CCDC18: variants seen among roughly 807,000 people sequenced by gnomAD.
CCDC18 encodes the protein coiled-coil domain containing 18, also known as coiled-coil domain-containing protein 18.
Under a neutral mutation model 196.0 loss-of-function variants are expected in CCDC18, and 157 were observed. The ratio of observed to expected loss-of-function variants is 0.80; its 90% CI spans 0.70 to 0.91. The LOEUF (loss-of-function observed/expected upper bound fraction) is 0.91. Ranked by LOEUF, CCDC18 falls within the 40% of genes least tolerant of loss-of-function variation. CCDC18 has a pLI of 0.00. For synonymous variants in CCDC18, 482 were observed against 529.2 expected (o/e 0.91, Z 1.22); for missense variants, 1,465 against 1,611.6 (o/e 0.91, Z 1.56).
At chr1:93,218,347 A>G (rs1472902974) in intron 14 of CCDC18, among the ~76,000 whole-genome samples, 1 of 152,198 alleles carries the variant, frequency 6.6e-6, no homozygotes, top group Non-Finnish European at 1.5e-5. Context: ...TTTTTCCTAT[A>G]CATACATACC....
In CCDC18 at chr1:93,239,881, T is replaced by A. The variant is rs1391570764; in HGVS notation, c.2966T>A (p.Leu989His). 1 of 1,602,896 alleles carries A rather than the reference T, an allele frequency of 6.2e-7. No individual in the cohort carries two copies. The highest frequency in any genetic ancestry group is 8.5e-7 in the Non-Finnish European group (1 of 1,171,542). ...GAAAAATACACTACTATAAAGGATC[T>A]CACAGCTGAACTTAGGTGAGTTAAA... ...LEEKYTTIKD[L>H]TAELRECKME... is the part of the protein sequence containing the mutation. Residue 989 changes from leucine (L) to histidine (H), a missense_variant, in exon 21 of 29, where the codon CTC (leucine) becomes CAC (histidine). Physicochemically the swap from Leu to His is moderately conservative, Grantham distance 99 (BLOSUM62 -3). Transcript: ENST00000690025.
At chr1:93,215,091 A>C (rs1483242162) in intron 12 of CCDC18, 125 bp downstream of exon 12, 1 of 547,486 alleles carries the variant, frequency 1.8e-6, no homozygotes, top group Non-Finnish European at 3.2e-6. Context: ...ATGGTACCAC[A>C]TAAGTTATAA....
chr1:93,215,243 T>C (rs1037341453), intron 12 of CCDC18, among the ~76,000 whole-genome samples: 1 of 152,132 alleles, frequency 6.6e-6, no homozygotes, highest in African/African-American at 2.4e-5. Flanking sequence ...ATTTCTTCCA[T>C]AGTATAAGTT....
chr1:93,242,779 G>A (rs1281676626), intron 21 of CCDC18, among the ~76,000 whole-genome samples: 1 of 152,162 alleles, frequency 6.6e-6, no homozygotes, highest in Non-Finnish European at 1.5e-5. Flanking sequence ...AAACAAAGGG[G>A]CTACAGGCCC....
chr1:93,236,281 A>C lies in CCDC18; in HGVS notation c.2494A>C (p.Arg832=), dbSNP rs748926070. 1.9e-6 allele frequency: 3 copies of C among 1,575,970 alleles called. No homozygotes were observed. The highest frequency in any genetic ancestry group is 4.1e-5 in the Admixed American group (2 of 48,288). Reference sequence around the variant, plus strand: ...ACTGGAACAAGAACTTCAAAAACAAAGGGAAAGTTCAGCTGAAAAGTTGAG... The same window carrying C: ...ACTGGAACAAGAACTTCAAAAACAACGGGAAAGTTCAGCTGAAAAGTTGAG... ...SKLEQELQKQ[R]ESSAEKLRKM... The change falls in exon 19 of 29, where the codon AGG becomes CGG. Residue 832 remains arginine (R), a synonymous_variant. Coordinates refer to ENST00000690025, the MANE Select transcript of CCDC18 (RefSeq NM_001378204.1).
intron 16 of CCDC18, among the ~76,000 whole-genome samples, chr1:93,223,996 T>G (rs1657892808): frequency 6.6e-6 from 1 of 151,954 alleles, no homozygotes; most frequent in Non-Finnish European, 1.5e-5. Context: ...GATTCAGACT[T>G]TCAAACTCTG....
Position 93,180,792 on chromosome 1 carries a change from G to A in CCDC18, c.-63G>A. ...GTGTCCGAGGCTTCCACGCGCAGGG[G>A]CCCGGGAAAGGGTCAGAGGCTTCCT... is the stretch of plus-strand genomic sequence containing the variant. On this transcript the variant is annotated 5_prime_UTR_variant, in exon 1 of 29. Coordinates refer to ENST00000690025, the MANE Select transcript of CCDC18 (RefSeq NM_001378204.1). The A allele has an allele frequency of 7.3e-7, 1 of 1,367,778 alleles. No homozygotes were observed. Among genetic ancestry groups the A allele is most frequent in the Non-Finnish European group, 9.8e-7 (1 of 1,021,960 alleles). 84.7% of individuals were successfully genotyped at this position (1,367,778 alleles called of 1,614,324 possible).
chr1:93,224,909 G>C (rs776825161), intron 16 of CCDC18, among the ~76,000 whole-genome samples: 1 of 152,142 alleles, frequency 6.6e-6, no homozygotes, highest in African/African-American at 2.4e-5. Flanking sequence ...AAATTTCTAA[G>C]TATTTATAAT....
upstream of CCDC18, chr1:93,179,947 C>T: frequency 1.6e-6 from 2 of 1,259,564 alleles, no homozygotes; most frequent in Admixed American, 5.2e-5. Flanking sequence ...ACGGCCCTCG[C>T]CTCTTCACCA....
At chr1:93,253,049 C>G (rs565020388) in intron 23 of CCDC18, among the ~76,000 whole-genome samples, 1 of 152,336 alleles carries the variant, frequency 6.6e-6, no homozygotes, top group South Asian at 2.1e-4. Flanking sequence ...AGATGAGTCT[C>G]TAGTTGCAAT....
chr1:93,191,325 A>G (rs1651756774), intron 4 of CCDC18, among the ~76,000 whole-genome samples: 2 of 152,194 alleles, frequency 1.3e-5, no homozygotes, highest in Non-Finnish European at 2.9e-5. Context: ...CTAGTATGCC[A>G]ACACCTTGCT....
chr1:93,276,714 A>C (rs1200877215), intron 28 of CCDC18, among the ~76,000 whole-genome samples: 1 of 152,168 alleles, frequency 6.6e-6, no homozygotes, highest in Non-Finnish European at 1.5e-5. Context: ...ATATTTTTTT[A>C]AATCCCCTGG....
At chr1:93,206,327 G>T (rs1054088917) in intron 8 of CCDC18, among the ~76,000 whole-genome samples, 1 of 152,078 alleles carries the variant, frequency 6.6e-6, no homozygotes, top group Non-Finnish European at 1.5e-5. Flanking sequence ...ATCGGTTATC[G>T]ATTGCAAGAT....
At position 93,221,726 on chromosome 1, in the gene CCDC18, T is replaced by C. The variant is rs761090588; in HGVS notation, c.2080T>C (p.Leu694=). The C allele has an allele frequency of 1.3e-6, 2 of 1,597,752 alleles. No individual in the cohort carries two copies. The highest frequency in any genetic ancestry group is 4.5e-5 in the East Asian group (2 of 44,466). ...QHHLESLDRL[L]TESKGEMKKE... ...TCATCTTGAATCACTAGATAGACTC[T>C]TGACGGAAAGCAAAGGGGTAAAATC... The change falls in exon 15 of 29, where the codon TTG becomes CTG. Residue 694 remains leucine (L), a synonymous_variant. Transcript: ENST00000690025.
intron 27 of CCDC18, among the ~76,000 whole-genome samples, chr1:93,269,408 T>G (rs1664985267): frequency 6.6e-6 from 1 of 150,822 alleles, no homozygotes; most frequent in Admixed American, 6.6e-5. Flanking sequence ...ACATGTACCC[T>G]AGAACTTAAA....
At chr1:93,205,720 T>G (rs1486894456) in intron 8 of CCDC18, 89 bp downstream of exon 8, 1 of 1,210,818 alleles carries the variant, frequency 8.3e-7, no homozygotes, top group Non-Finnish European at 1.2e-6. Flanking sequence ...TTGTTGTAAT[T>G]ATAGGCTTAC....
chr1:93,226,809 C>T (rs1438084311), intron 17 of CCDC18, among the ~76,000 whole-genome samples: 1 of 152,122 alleles, frequency 6.6e-6, no homozygotes, highest in African/African-American at 2.4e-5. Context: ...GCTGGGATTA[C>T]AGGTGTGAGC....
intron 7 of CCDC18, among the ~76,000 whole-genome samples, chr1:93,202,404 C>G (rs1397427507): frequency 6.6e-6 from 1 of 152,136 alleles, no homozygotes; most frequent in African/African-American, 2.4e-5. Flanking sequence ...GTTCCTTGAA[C>G]TGATTTGATA....
chr1:93,256,235 A>C, intron 24 of CCDC18, 100 bp from the exon 25 acceptor site: 1 of 942,352 alleles, frequency 1.1e-6, no homozygotes, highest in Non-Finnish European at 1.6e-6. Flanking sequence ...TAAAGGATTT[A>C]GTTGGAAGGT....
Sources: allele counts gnomAD v4.1 joint callset (sites outside exome capture counted in the v4.1 genomes callset), GRCh38; gene constraint gnomAD v4.1.1; transcripts MANE v1.5; gene names NCBI Gene and HGNC (gene_info 2026-07-23, HGNC 2026-07-21).